NFASC: variants seen among roughly 807,000 people sequenced by gnomAD.
NFASC encodes the protein neurofascin homolog.
NFASC carries 43 observed loss-of-function variants against 147.5 expected under a neutral mutation model. The observed-to-expected ratio is 0.29, with a 90% CI of 0.23 to 0.38. The LOEUF (loss-of-function observed/expected upper bound fraction) is 0.38, where lower values mean the gene tolerates loss of function less well. Ranked by LOEUF, NFASC falls within the 10% of genes least tolerant of loss-of-function variation. The pLI, the probability that NFASC is intolerant of heterozygous loss-of-function variation, is 1.00. For missense variants in NFASC, 1,320 were observed against 1,689.0 expected, an observed-to-expected ratio of 0.78 and a Z score of 3.83; for synonymous variants, 622 against 665.5, an observed-to-expected ratio of 0.93 and a Z score of 1.01.
intron 1 of NFASC, among the ~76,000 whole-genome samples, chr1:204,874,264 C>T (rs1275680987): frequency 1.3e-5 from 2 of 152,232 alleles, no homozygotes; most frequent in Non-Finnish European, 2.9e-5. Context: ...AACCCATGGT[C>T]TCCATGTTGC....
In NFASC at chr1:204,954,043, G is replaced by C; in HGVS notation, c.216-145G>C. On this transcript the variant is annotated intron_variant, in intron 5 of 29. Coordinates refer to ENST00000339876, the MANE Select transcript of NFASC (RefSeq NM_001005388.3). This position sits in a 1 kb window ranked among gnomAD's most constrained non-coding sequence, Gnocchi z 5.7. Reference sequence around the variant, plus strand: ...CCAGATGGTTCTTCTGCTCAGCCAGGCTGAGACCTGTTGGTATGGGGTGCC... The same window carrying C: ...CCAGATGGTTCTTCTGCTCAGCCAGCCTGAGACCTGTTGGTATGGGGTGCC... The C allele has an allele frequency of 1.5e-6, 1 of 684,654 alleles. No homozygotes were observed. The highest frequency in any genetic ancestry group is 2.5e-6 in the Non-Finnish European group (1 of 394,306). The allele number at this position is 684,654 out of a possible 1,614,324, so 42.4% of individuals were successfully genotyped here.
intron 1 of NFASC, among the ~76,000 whole-genome samples, chr1:204,915,393 A>G (rs1207179488): frequency 2.0e-5 from 3 of 152,234 alleles, no homozygotes; most frequent in Non-Finnish European, 4.4e-5. Context: ...AAATATGTAT[A>G]GTATGCTAGA....
rs567406789 is a variant in NFASC at position 204,982,623 on chromosome 1, A to C, written c.2470+603A>C. Among the ~76,000 whole-genome samples, 121 of 152,358 alleles carry C rather than the reference A, an allele frequency of 7.9e-4. 1 individual carries two copies. The Middle Eastern group carries it at 0.027, about 34-fold the overall frequency. ...GGTCTTTGGGGGCTGGCCCCTGGTA[A>C]AACAACAAGATTCTGGTCATATACA... On this transcript the variant is annotated intron_variant, in intron 21 of 29. Transcript: ENST00000339876.
chr1:204,966,676 T>C (rs565798442), intron 8 of NFASC, among the ~76,000 whole-genome samples: 1 of 152,316 alleles, frequency 6.6e-6, no homozygotes, highest in East Asian at 1.9e-4. Flanking sequence ...GTGGGACAGA[T>C]GAGGCATCTA....
intron 2 of NFASC, among the ~76,000 whole-genome samples, chr1:204,927,576 T>G (rs2091846781): frequency 6.6e-6 from 1 of 152,194 alleles, no homozygotes; most frequent in African/African-American, 2.4e-5. Flanking sequence ...CCTGAAGTAT[T>G]TTTATACTCT....
intron 1 of NFASC, among the ~76,000 whole-genome samples, chr1:204,836,361 A>G (rs1207052824): frequency 1.3e-5 from 2 of 152,210 alleles, no homozygotes; most frequent in East Asian, 3.8e-4. Context: ...CAGGATGTTA[A>G]TTATGAGGAG....
intron 1 of NFASC, among the ~76,000 whole-genome samples, chr1:204,835,195 G>A (rs1571847200): frequency 6.6e-6 from 1 of 150,854 alleles, no homozygotes; most frequent in African/African-American, 2.4e-5. Flanking sequence ...CTTGCAAGAG[G>A]AAGTACTTGA....
intron 2 of NFASC, among the ~76,000 whole-genome samples, chr1:204,932,200 G>A (rs1307674299): frequency 6.6e-6 from 1 of 152,172 alleles, no homozygotes; most frequent in Non-Finnish European, 1.5e-5. Context: ...ACTTGAGTTT[G>A]TCAGGAAGGA....
intron 7 of NFASC, among the ~76,000 whole-genome samples, chr1:204,956,138 A>G (rs770698594): frequency 2.0e-5 from 3 of 152,038 alleles, no homozygotes; most frequent in Non-Finnish European, 2.9e-5. Flanking sequence ...TTCTGTCCTC[A>G]CTGACATCTC....
Position 205,016,135 on chromosome 1 carries a change from C to T in NFASC, c.3492-173C>T, listed in dbSNP as rs2151115979. Among the ~76,000 whole-genome samples the T allele has an allele frequency of 6.6e-6, 1 of 152,342 alleles. No homozygotes were observed. The highest frequency in any genetic ancestry group is 2.1e-4 in the South Asian group (1 of 4,826). The stretch of plus-strand genomic sequence containing the variant: ...ACCTTAGAGAAGGTGCTTGTCCTCT[C>T]TAGGCCTCCATTTCCCTTCTGCAAA... On this transcript the variant is annotated intron_variant, in intron 29 of 29. Coordinates refer to ENST00000339876, the MANE Select transcript of NFASC (RefSeq NM_001005388.3). This position sits in a 1 kb window ranked among gnomAD's most constrained non-coding sequence, Gnocchi z 5.1.
At chr1:205,013,584 C>T (rs539611505) in intron 29 of NFASC, among the ~76,000 whole-genome samples, 26 of 152,282 alleles carry the variant, frequency 1.7e-4, no homozygotes, top group African/African-American at 5.8e-4. Flanking sequence ...CTTCTATACC[C>T]ATGCTCCTGT....
chr1:204,868,444 C>T (rs998984739), intron 1 of NFASC, among the ~76,000 whole-genome samples: 2 of 152,150 alleles, frequency 1.3e-5, no homozygotes, highest in Non-Finnish European at 2.9e-5. Context: ...CCAGCTGTTA[C>T]TAGAGCCACT....
intron 12 of NFASC, 146 bp downstream of exon 12, chr1:204,973,565 T>C: frequency 9.8e-7 from 1 of 1,018,360 alleles, no homozygotes. Flanking sequence ...AGGGGAAACA[T>C]GGAGATGGGA....
At chr1:204,960,591 T>G (rs2094614097) in intron 8 of NFASC, among the ~76,000 whole-genome samples, 1 of 152,206 alleles carries the variant, frequency 6.6e-6, no homozygotes, top group South Asian at 2.1e-4. Flanking sequence ...GTTCTGGGCG[T>G]GGGCTACTTC....
rs551577330 is a variant in NFASC at position 204,871,932 on chromosome 1, T to C, written c.-200+43150T>C. Among the ~76,000 whole-genome samples the C allele has an allele frequency of 1.2e-4, 18 of 152,270 alleles. No homozygotes were observed. In the East Asian group the frequency reaches 3.5e-3, roughly 29 times the overall value. On this transcript the variant is annotated intron_variant, in intron 1 of 29. Transcript: ENST00000339876. ...GAGATGTGTACTGGTTTGTTGTTGG[T>C]TGGGAGGGAAAAAGGAGGCTGATGG...
chr1:204,868,087 C>T lies in NFASC; in HGVS notation c.-200+39305C>T, dbSNP rs924576072. On this transcript the variant is annotated intron_variant, in intron 1 of 29. Coordinates refer to ENST00000339876, the MANE Select transcript of NFASC (RefSeq NM_001005388.3). The stretch of plus-strand genomic sequence containing the variant: ...TTCCCGTTGTAATAGCGTTCACTTT[C>T]CACGCTGGGAAATGGGGATTATGCA... 3.3e-5 allele frequency among the ~76,000 whole-genome samples: 5 copies of T among 152,238 alleles called. No individual in the cohort carries two copies. The East Asian group carries it at 9.6e-4, about 29-fold the overall frequency.
intron 1 of NFASC, among the ~76,000 whole-genome samples, chr1:204,850,608 A>G (rs1377328748): frequency 6.6e-6 from 1 of 152,098 alleles, no homozygotes; most frequent in African/African-American, 2.4e-5. Flanking sequence ...ACGAGATCTG[A>G]TGGTTTAAAA....
At position 204,979,857 on chromosome 1, in the gene NFASC, C is replaced by T. The variant is rs537582029; in HGVS notation, c.2176+298C>T. Among the ~76,000 whole-genome samples, 19 of 152,228 alleles carry T rather than the reference C, an allele frequency of 1.2e-4. No homozygotes were observed. Among genetic ancestry groups the T allele is most frequent in the Non-Finnish European group, 2.2e-4 (15 of 68,016 alleles). On this transcript the variant is annotated intron_variant, in intron 19 of 29. Coordinates refer to ENST00000339876, the MANE Select transcript of NFASC (RefSeq NM_001005388.3). The surrounding 1 kb of genome is among the most constrained non-coding windows in gnomAD (Gnocchi z 6.0). ...TCTGCTTTAAAGGGGAGAGCTGTGG[C>T]AAAGAGGTACAGCAGAAATACATAA...
chr1:204,908,562 T>C (rs2086566075), intron 1 of NFASC, among the ~76,000 whole-genome samples: 1 of 152,132 alleles, frequency 6.6e-6, no homozygotes, highest in Non-Finnish European at 1.5e-5. Context: ...CAGATAACAC[T>C]ACTTTGCCCA....
Sources: gnomAD v4.1 joint callset for allele counts (sites outside exome capture counted in the v4.1 genomes callset) on GRCh38, gnomAD v4.1.1 for gene constraint, Gnocchi (gnomAD v3.1) non-coding constraint, MANE v1.5 for transcripts, NCBI Gene and HGNC (gene_info 2026-07-23, HGNC 2026-07-21) for gene names.